Variants in NEK10 observed in about 807,000 individuals in gnomAD.
NEK10 encodes the protein NIMA related kinase 10, also known as serine/threonine-protein kinase Nek10.
NEK10 carries 122 observed loss-of-function variants against 159.8 expected under a neutral mutation model. The ratio of observed to expected loss-of-function variants is 0.76; its 90% CI spans 0.66 to 0.89. NEK10 has a LOEUF of 0.89. Among genes scored for constraint, NEK10 ranks in the 40% least tolerant of loss-of-function variants. The pLI is 0.00. For synonymous variants in NEK10, 466 were observed against 457.1 expected, an observed-to-expected ratio of 1.02 and a Z score of -0.25; for missense variants, 1,342 against 1,323.1, an observed-to-expected ratio of 1.01 and a Z score of -0.22.
chr3:27,249,420 T>C (rs1222996988), intron 23 of NEK10, among the ~76,000 whole-genome samples: 3 of 152,234 alleles, frequency 2.0e-5, no homozygotes, highest in African/African-American at 7.2e-5. Context: ...GGTGCATATA[T>C]ATTTACAATT....
At chr3:27,251,073 T>C (rs1355779273) in intron 23 of NEK10, among the ~76,000 whole-genome samples, 4 of 152,216 alleles carry the variant, frequency 2.6e-5, no homozygotes, top group Non-Finnish European at 4.4e-5. Flanking sequence ...ATGTGACATG[T>C]ATCACCTCAT....
intron 11 of NEK10, 54 bp downstream of exon 11, chr3:27,307,805 G>A: frequency 1.2e-6 from 1 of 821,270 alleles, no homozygotes; most frequent in South Asian, 1.4e-5. Flanking sequence ...AATAACAAGT[G>A]TATCTGTCAA....
chr3:27,314,967 ATC>A lies in NEK10; in HGVS notation c.448-631_448-630del, dbSNP rs1559487256. Among the ~76,000 whole-genome samples the A allele has an allele frequency of 4.6e-5, 7 of 152,336 alleles. No individual in the cohort carries two copies. In the South Asian group the frequency reaches 1.4e-3, roughly 32 times the overall value. ...GTTTCTCAAAATTATTAGATGAATG[ATC>A]TTATTAGACCCATGCTCTAAATAAA... On this transcript the variant is annotated intron_variant, in intron 6 of 35. Transcript: ENST00000691995.
chr3:27,200,415 T>TG (rs1949948843), intron 25 of NEK10, among the ~76,000 whole-genome samples: 1 of 152,136 alleles, frequency 6.6e-6, no homozygotes, highest in South Asian at 2.1e-4. Flanking sequence ...CTCAGTTTGA[T>TG]GGGATGGAGA....
chr3:27,174,863 C>T (rs1250435596), intron 26 of NEK10, 30 bp from the exon 27 acceptor site: 2 of 1,528,600 alleles, frequency 1.3e-6, no homozygotes, highest in African/African-American at 1.4e-5. Context: ...TTTTCATAGC[C>T]TCTTTCTCTA....
chr3:27,160,582 C>T (rs1559532216), intron 30 of NEK10, among the ~76,000 whole-genome samples: 1 of 152,176 alleles, frequency 6.6e-6, no homozygotes, highest in Non-Finnish European at 1.5e-5. Context: ...AACCTAACCA[C>T]TCTTTTTATG....
At chr3:27,236,151 A>C (rs1235315144) in intron 23 of NEK10, among the ~76,000 whole-genome samples, 1 of 152,106 alleles carries the variant, frequency 6.6e-6, no homozygotes, top group Admixed American at 6.6e-5. Context: ...GGTCTACTGG[A>C]GGGTGGAGGA....
intron 15 of NEK10, among the ~76,000 whole-genome samples, chr3:27,294,077 T>C (rs943538722): frequency 6.6e-6 from 1 of 152,182 alleles, no homozygotes; most frequent in Non-Finnish European, 1.5e-5. Flanking sequence ...TGATGACATA[T>C]AAAAATAGCC....
At position 27,322,179 on chromosome 3, in the gene NEK10, G is replaced by A; in HGVS notation, c.445C>T (p.Gln149Ter). 1 of 1,518,828 alleles carries A rather than the reference G, an allele frequency of 6.6e-7. No individual in the cohort carries two copies. Among genetic ancestry groups the A allele is most frequent in the Non-Finnish European group, 9.0e-7 (1 of 1,115,612 alleles). 94.1% of individuals were successfully genotyped at this position (1,518,828 alleles called of 1,614,324 possible). The change falls in exon 6 of 36, where the codon CAG (glutamine) becomes TAG (stop). Residue 149 changes from glutamine (Q) to a stop codon, truncating the protein, a stop_gained and splice_region_variant. Coordinates refer to ENST00000691995, the MANE Select transcript of NEK10 (RefSeq NM_001394966.1). LOFTEE classifies it high-confidence loss of function. The part of the protein sequence containing the change: ...LRLLMRDPCY[Q>*]EILHSLGGIE... Reference sequence around the variant, plus strand: ...AAAATTGTATTTTTCCAACCAACCTGATAACATGGATCCCTCATTAGTAGC... The same window carrying A: ...AAAATTGTATTTTTCCAACCAACCTAATAACATGGATCCCTCATTAGTAGC...
At chr3:27,302,984 C>G (rs2043952106) in intron 12 of NEK10, among the ~76,000 whole-genome samples, 1 of 152,162 alleles carries the variant, frequency 6.6e-6, no homozygotes, top group Non-Finnish European at 1.5e-5. Context: ...GCCCTGAAAA[C>G]AGTGTTCTTC....
At chr3:27,252,336 A>C (rs942213396) in intron 23 of NEK10, 1 of 378,644 alleles carries the variant, frequency 2.6e-6, no homozygotes. Flanking sequence ...GAAGTAAAGA[A>C]GTAAACTCTG....
chr3:27,345,118 T>C (rs771132712), intron 4 of NEK10, among the ~76,000 whole-genome samples: 20 of 152,170 alleles, frequency 1.3e-4, no homozygotes, highest in Non-Finnish European at 2.4e-4. Flanking sequence ...TAAAACTAAT[T>C]TTCAGATCTA....
intron 1 of NEK10, among the ~76,000 whole-genome samples, chr3:27,365,543 A>G (rs916541366): frequency 6.6e-6 from 1 of 151,548 alleles, no homozygotes; most frequent in Non-Finnish European, 1.5e-5. Flanking sequence ...AAATAAAAAA[A>G]CTATGTATTT....
chr3:27,344,484 C>T, intron 4 of NEK10, 114 bp from the exon 5 acceptor site: 1 of 557,476 alleles, frequency 1.8e-6, no homozygotes, highest in Non-Finnish European at 3.2e-6. Context: ...TTACTAACCA[C>T]TATACTAATG....
Position 27,188,590 on chromosome 3 carries a change from A to G in NEK10, c.2505+3439T>C, listed in dbSNP as rs184063471. The stretch of plus-strand genomic sequence containing the variant: ...GTGGTGAAGATAAACTTCCTGTCAA[A>G]TATCACTGGAAAAGTAGTTGTGATT... On this transcript the variant is annotated intron_variant, in intron 26 of 35. Transcript: ENST00000691995. Among the ~76,000 whole-genome samples, 164 of 152,308 alleles carry G rather than the reference A, an allele frequency of 1.1e-3. 1 individual carries two copies. Among genetic ancestry groups the G allele is most frequent in the African/African-American group, 3.8e-3 (159 of 41,580 alleles).
chr3:27,191,433 G>C (rs1425391588), intron 26 of NEK10, among the ~76,000 whole-genome samples: 1 of 152,220 alleles, frequency 6.6e-6, no homozygotes, highest in East Asian at 1.9e-4. Flanking sequence ...AGCAACAAGA[G>C]CATCACTGGC....
At position 27,214,910 on chromosome 3, in the gene NEK10, C is replaced by T. The variant is rs928567469; in HGVS notation, c.2091-12353G>A. On this transcript the variant is annotated intron_variant, in intron 23 of 35. Coordinates refer to ENST00000691995, the MANE Select transcript of NEK10 (RefSeq NM_001394966.1). ...AGAACGGAAGGCTAATGGCCACATT[C>T]TTCTTTTAAAGAAGGTGAGAAGACA... 3.6e-6 allele frequency: 4 copies of T among 1,106,188 alleles called. No homozygotes were observed. The East Asian group carries it at 7.1e-5, about 20-fold the overall frequency. 68.5% of individuals were successfully genotyped at this position (1,106,188 alleles called of 1,614,324 possible). A position where few individuals can be genotyped will look rare whatever the true frequency, so the allele number is the denominator to read the frequency against.
chr3:27,163,768 CT>C (rs1946237513), intron 29 of NEK10, among the ~76,000 whole-genome samples: 1 of 152,154 alleles, frequency 6.6e-6, no homozygotes, highest in African/African-American at 2.4e-5. Context: ...CATACATGTA[CT>C]AGGTATAAGG....
At chr3:27,322,575 A>C (rs547669678) in intron 5 of NEK10, among the ~76,000 whole-genome samples, 20 of 152,326 alleles carry the variant, frequency 1.3e-4, no homozygotes, top group African/African-American at 4.8e-4. Flanking sequence ...AGGTAGGTCT[A>C]ACTTGGTAAG....
Sources: allele counts gnomAD v4.1 joint callset (sites outside exome capture counted in the v4.1 genomes callset), GRCh38; gene constraint gnomAD v4.1.1; transcripts MANE v1.5; gene names NCBI Gene and HGNC (gene_info 2026-07-23, HGNC 2026-07-21).